PCDHA8: variants seen among roughly 807,000 people sequenced by gnomAD.
The protein encoded by PCDHA8 is protocadherin alpha 8.
In PCDHA8, 53 loss-of-function variants were observed where a neutral mutation model predicts 61.8. The observed-to-expected ratio is 0.86, with a 90% CI of 0.69 to 1.08. The LOEUF (loss-of-function observed/expected upper bound fraction) is 1.08, where lower values mean the gene tolerates loss of function less well. Among genes scored for constraint, PCDHA8 ranks in the 50% least tolerant of loss-of-function variants. The probability of loss-of-function intolerance (pLI) is 0.00; values close to 1 mark genes in which losing one functional copy is unlikely to be tolerated. For missense variants in PCDHA8, 1,293 were observed against 1,245.0 expected, an observed-to-expected ratio of 1.04 and a Z score of -0.58; for synonymous variants, 618 against 556.6, an observed-to-expected ratio of 1.11 and a Z score of -1.55.
chr5:140,845,330 G>T (rs782598822), intron 1 of PCDHA8, among the ~76,000 whole-genome samples: 1 of 149,276 alleles, frequency 6.7e-6, no homozygotes, highest in African/African-American at 2.5e-5. Context: ...TTTAATTACT[G>T]AATTCTCCTA....
intron 1 of PCDHA8, among the ~76,000 whole-genome samples, chr5:140,918,298 A>G (rs2078622610): frequency 6.6e-6 from 1 of 152,150 alleles, no homozygotes; most frequent in Non-Finnish European, 1.5e-5. Context: ...GGCAGAGAAT[A>G]TAGGGTTTTC....
intron 1 of PCDHA8, among the ~76,000 whole-genome samples, chr5:140,959,785 C>T (rs976645506): frequency 3.5e-4 from 53 of 152,280 alleles, no homozygotes; most frequent in African/African-American, 1.2e-3. Context: ...TGTATATTAA[C>T]ATGGCTAATT....
At chr5:140,861,560 C>A in intron 1 of PCDHA8, 2 of 391,162 alleles carry the variant, frequency 5.1e-6, no homozygotes, top group Admixed American at 2.5e-5. Flanking sequence ...TGATCGTGGA[C>A]AAGCTGCTAC....
intron 3 of PCDHA8, among the ~76,000 whole-genome samples, chr5:140,986,402 A>G (rs782590214): frequency 6.6e-6 from 1 of 152,192 alleles, no homozygotes; most frequent in Non-Finnish European, 1.5e-5. Context: ...CCAGTCGCTC[A>G]TGTTACAGCT....
chr5:140,909,376 A>C (rs934172847), intron 1 of PCDHA8, among the ~76,000 whole-genome samples: 3 of 152,208 alleles, frequency 2.0e-5, no homozygotes, highest in Non-Finnish European at 4.4e-5. Context: ...AAGCAATGAA[A>C]CCACATCTAG....
intron 1 of PCDHA8, chr5:140,855,996 A>G (rs2150345731): frequency 6.7e-7 from 1 of 1,503,004 alleles, no homozygotes; most frequent in Non-Finnish European, 9.0e-7. Flanking sequence ...GTCAGATCGT[A>G]TGTGCGTTCT....
intron 1 of PCDHA8, among the ~76,000 whole-genome samples, chr5:140,960,693 T>C (rs2095562408): frequency 6.6e-6 from 1 of 152,136 alleles, no homozygotes; most frequent in Non-Finnish European, 1.5e-5. Flanking sequence ...AATGAGGGTG[T>C]TCTTTAGTGC....
chr5:140,981,502 A>G (rs2096935392), intron 2 of PCDHA8, among the ~76,000 whole-genome samples: 2 of 152,218 alleles, frequency 1.3e-5, no homozygotes, highest in Non-Finnish European at 2.9e-5. Flanking sequence ...TGAACCTGGG[A>G]GGCAGAGGTT....
intron 1 of PCDHA8, among the ~76,000 whole-genome samples, chr5:140,962,940 A>G (rs1441801947): frequency 1.3e-5 from 2 of 152,186 alleles, no homozygotes; most frequent in African/African-American, 4.8e-5. Context: ...CCTCCTCTCC[A>G]TAAGATATGC....
At chr5:140,885,073 T>TA (rs1196857475) in intron 1 of PCDHA8, among the ~76,000 whole-genome samples, 2 of 152,226 alleles carry the variant, frequency 1.3e-5, no homozygotes, top group African/African-American at 4.8e-5. Context: ...GATATTATTT[T>TA]AAAGAGCCCC....
rs2150417290 is a variant in PCDHA8 at position 140,848,687 on chromosome 5, C to G, written c.2394+4972C>G. 1.9e-3 allele frequency: 2,953 copies of G among 1,592,340 alleles called. 211 individuals are homozygous for G. The African/African-American group carries it at 0.035, about 19-fold the overall frequency. The stretch of plus-strand genomic sequence containing the variant: ...TGGCGGAGCTGGTGCCGCGCCTGTT[C>G]CAGTTGGATTCCAAAGGCCGCGGGG... On this transcript the variant is annotated intron_variant, in intron 1 of 3. Transcript: ENST00000531613.
intron 1 of PCDHA8, among the ~76,000 whole-genome samples, chr5:140,908,451 A>T (rs2073980523): frequency 6.6e-6 from 1 of 152,170 alleles, no homozygotes; most frequent in African/African-American, 2.4e-5. Context: ...TTATGGCTAG[A>T]TGGATCAGAA....
intron 2 of PCDHA8, among the ~76,000 whole-genome samples, chr5:140,981,515 A>C (rs1554242933): frequency 1.3e-5 from 2 of 152,230 alleles, no homozygotes. Context: ...CAGAGGTTGC[A>C]GTGAGCTGAG....
chr5:140,868,933 T>C, intron 1 of PCDHA8: 1 of 1,104,696 alleles, frequency 9.1e-7, no homozygotes, highest in Non-Finnish European at 1.3e-6. Flanking sequence ...ATTTAAAGGT[T>C]GGTCTGAACA....
At chr5:140,848,787 C>T in intron 1 of PCDHA8, 2 of 1,592,990 alleles carry the variant, frequency 1.3e-6, no homozygotes, top group Non-Finnish European at 1.7e-6. Context: ...GCTGTGCGGG[C>T]GGAGCGCGGA....
chr5:140,891,096 T>A (rs926770209), intron 1 of PCDHA8, among the ~76,000 whole-genome samples: 1 of 152,210 alleles, frequency 6.6e-6, no homozygotes, highest in African/African-American at 2.4e-5. Context: ...ATTGTTGCTG[T>A]CAAGAATTTA....
At chr5:140,864,058 A>C (rs993804326) in intron 1 of PCDHA8, 3 of 152,692 alleles carry the variant, frequency 2.0e-5, no homozygotes, top group Non-Finnish European at 1.5e-5. Context: ...TACAGTCACC[A>C]TGAACATTCT....
rs782647258 is a variant in PCDHA8 at position 140,869,948 on chromosome 5, T to A, written c.2394+26233T>A. The A allele has an allele frequency of 3.7e-6, 6 of 1,612,586 alleles. No individual in the cohort carries two copies. The South Asian group carries it at 5.5e-5, about 15-fold the overall frequency. ...AATGGAGAGGTAACATACTCCTTAA[T>A]GTCAATTAAGCCCAATGGAAGACAC... On this transcript the variant is annotated intron_variant, in intron 1 of 3. Coordinates refer to ENST00000531613, the MANE Select transcript of PCDHA8 (RefSeq NM_018911.3).
intron 1 of PCDHA8, among the ~76,000 whole-genome samples, chr5:140,936,526 C>T (rs183606913): frequency 6.6e-6 from 1 of 152,302 alleles, no homozygotes; most frequent in East Asian, 1.9e-4. Flanking sequence ...CCTGAAATTG[C>T]TTTTGAATAT....
Sources: allele counts gnomAD v4.1 joint callset (sites outside exome capture counted in the v4.1 genomes callset), GRCh38; gene constraint gnomAD v4.1.1; transcripts MANE v1.5; gene names NCBI Gene and HGNC (gene_info 2026-07-23, HGNC 2026-07-21).